MAMDC2: variants seen among roughly 807,000 people sequenced by gnomAD.
The protein encoded by MAMDC2 is MAM domain containing 2.
A neutral mutation model predicts 89.8 loss-of-function variants in MAMDC2; 57 were observed. The observed-to-expected ratio is 0.63, with a 90% CI of 0.51 to 0.79. The LOEUF (loss-of-function observed/expected upper bound fraction) is 0.79, where lower values mean the gene tolerates loss of function less well. MAMDC2 is among the 30% of genes least tolerant of loss of function. MAMDC2 has a pLI of 0.00. For synonymous variants in MAMDC2, 313 were observed against 293.4 expected (o/e 1.07, Z -0.68); for missense variants, 800 against 820.6 (o/e 0.97, Z 0.31).
chr9:70,226,042 T>TAA lies in MAMDC2; in HGVS notation c.*10_*11insAA. On this transcript the variant is annotated 3_prime_UTR_variant, in exon 14 of 14. Coordinates refer to ENST00000377182, the MANE Select transcript of MAMDC2 (RefSeq NM_153267.5). ...TGAAATTGAGTATTAAGAAATGATCTGCATTGGATTTACTAGACGAAAACC... is the reference window on the plus strand; with the variant it reads ...TGAAATTGAGTATTAAGAAATGATCTAAGCATTGGATTTACTAGACGAAAACC... 6.6e-7 allele frequency: 1 copy of TAA among 1,504,850 alleles called. No homozygotes were observed. Among genetic ancestry groups the TAA allele is most frequent in the Non-Finnish European group, 9.1e-7 (1 of 1,102,206 alleles). 93.2% of individuals were successfully genotyped at this position (1,504,850 alleles called of 1,614,324 possible).
At chr9:70,190,199 A>G (rs2032849087) in intron 11 of MAMDC2, among the ~76,000 whole-genome samples, 1 of 152,028 alleles carries the variant, frequency 6.6e-6, no homozygotes, top group South Asian at 2.1e-4. Context: ...TGAATAATAC[A>G]GTTTTACAGA....
chr9:70,107,720 A>T (rs1828379065), intron 2 of MAMDC2, among the ~76,000 whole-genome samples: 1 of 152,234 alleles, frequency 6.6e-6, no homozygotes, highest in African/African-American at 2.4e-5. Flanking sequence ...TTAAATGCAG[A>T]TTGAAACATT....
chr9:70,225,753 A>G lies in MAMDC2; in HGVS notation c.1915A>G (p.Ile639Val). ...EYSCERQHQI[I>V]FEAIRGVSIR... ...TTCAAACATATTATTCTTTCAGATA[A>G]TTTTTGAAGCCATTCGAGGAGTATC... The change falls in exon 13 of 14, where the codon ATT becomes GTT. Residue 639 changes from isoleucine to valine, a missense_variant. Coordinates refer to ENST00000377182, the MANE Select transcript of MAMDC2 (RefSeq NM_153267.5). The G allele has an allele frequency of 6.3e-7, 1 of 1,584,588 alleles. No homozygotes were observed. Among genetic ancestry groups the G allele is most frequent in the South Asian group, 1.1e-5 (1 of 90,360 alleles).
At chr9:70,186,054 T>A (rs763732724) in intron 11 of MAMDC2, among the ~76,000 whole-genome samples, 9 of 151,380 alleles carry the variant, frequency 5.9e-5, no homozygotes, top group Non-Finnish European at 1.2e-4. Context: ...TTTATATTCC[T>A]TTACAAGTTG....
intron 9 of MAMDC2, among the ~76,000 whole-genome samples, chr9:70,164,491 T>C (rs1441864364): frequency 6.6e-6 from 1 of 152,200 alleles, no homozygotes; most frequent in Non-Finnish European, 1.5e-5. Context: ...TTTAAAGTAT[T>C]ATCAGAACCT....
At chr9:70,217,997 C>T (rs1377686130) in intron 11 of MAMDC2, among the ~76,000 whole-genome samples, 1 of 152,180 alleles carries the variant, frequency 6.6e-6, no homozygotes, top group Non-Finnish European at 1.5e-5. Flanking sequence ...CTCTTTCTCT[C>T]CAAACCAACG....
intron 2 of MAMDC2, chr9:70,087,151 T>G (rs1410100066): frequency 1.3e-5 from 2 of 152,196 alleles, no homozygotes; most frequent in African/African-American, 4.8e-5. Context: ...TTTCTTTCCC[T>G]TTCCCTGTTC....
chr9:70,072,776 A>G (rs538235107), intron 2 of MAMDC2, among the ~76,000 whole-genome samples: 2 of 152,330 alleles, frequency 1.3e-5, no homozygotes, highest in East Asian at 1.9e-4. Flanking sequence ...AAAAAAGTAC[A>G]CTAAAAATTA....
At chr9:70,085,142 T>A (rs1160248588) in intron 2 of MAMDC2, among the ~76,000 whole-genome samples, 1 of 152,050 alleles carries the variant, frequency 6.6e-6, no homozygotes, top group East Asian at 1.9e-4. Context: ...CCTAGGATGA[T>A]CTTCTGTTCC....
chr9:70,049,328 C>T (rs934292750), intron 2 of MAMDC2, among the ~76,000 whole-genome samples: 1 of 152,172 alleles, frequency 6.6e-6, no homozygotes, highest in Admixed American at 6.5e-5. Flanking sequence ...AGGACACTCT[C>T]AGCTCCTTGG....
chr9:70,074,154 C>T (rs1326728788), intron 2 of MAMDC2, among the ~76,000 whole-genome samples: 2 of 152,216 alleles, frequency 1.3e-5, no homozygotes, highest in African/African-American at 4.8e-5. Context: ...CATGCTTAGC[C>T]ATTCCTAAGT....
At chr9:70,071,795 G>A (rs1250143469) in intron 2 of MAMDC2, 1 of 152,118 alleles carries the variant, frequency 6.6e-6, no homozygotes, top group Admixed American at 6.6e-5. Context: ...GGGGGCAGAG[G>A]GAGAGCACGT....
intron 11 of MAMDC2, among the ~76,000 whole-genome samples, chr9:70,185,884 T>C (rs1176388341): frequency 6.6e-6 from 1 of 152,156 alleles, no homozygotes; most frequent in Non-Finnish European, 1.5e-5. Context: ...TCCAGGAAAG[T>C]GAACGGTTCT....
Position 70,061,629 on chromosome 9 carries a change from A to T in MAMDC2, c.148+16932A>T, listed in dbSNP as rs189777634. On this transcript the variant is annotated intron_variant, in intron 2 of 13. Coordinates refer to ENST00000377182, the MANE Select transcript of MAMDC2 (RefSeq NM_153267.5). ...TGCAAAATTTAAGATGGTGCCAAAAATCAAATGATCAAGATAAATAATATT... is the reference window on the plus strand; with the variant it reads ...TGCAAAATTTAAGATGGTGCCAAAATTCAAATGATCAAGATAAATAATATT... Among the ~76,000 whole-genome samples, 22 of 152,344 alleles carry T rather than the reference A, an allele frequency of 1.4e-4. No individual in the cohort carries two copies. The East Asian group carries it at 4.2e-3, about 29-fold the overall frequency.
intron 6 of MAMDC2, among the ~76,000 whole-genome samples, chr9:70,128,908 C>G (rs2030678785): frequency 6.6e-6 from 1 of 152,212 alleles, no homozygotes; most frequent in Non-Finnish European, 1.5e-5. Context: ...CCGCCCACCT[C>G]AGGCTCTCAA....
chr9:70,178,976 A>G (rs968071267), intron 11 of MAMDC2, among the ~76,000 whole-genome samples: 4 of 152,194 alleles, frequency 2.6e-5, no homozygotes, highest in Non-Finnish European at 4.4e-5. Context: ...GTCACCCAGG[A>G]TTACCAACAA....
At chr9:70,170,340 A>T in intron 10 of MAMDC2, 139 bp from the exon 11 acceptor site, 1 of 846,584 alleles carries the variant, frequency 1.2e-6, no homozygotes, top group Non-Finnish European at 1.7e-6. Context: ...GGCTCCGTGT[A>T]GGTGGGCCAC....
chr9:70,098,395 T>G (rs1828080319), intron 2 of MAMDC2, among the ~76,000 whole-genome samples: 1 of 152,222 alleles, frequency 6.6e-6, no homozygotes, highest in Non-Finnish European at 1.5e-5. Context: ...TATTCCTTGA[T>G]TCTAAGTTGC....
chr9:70,201,911 A>C (rs1166885192), intron 11 of MAMDC2, among the ~76,000 whole-genome samples: 1 of 140,632 alleles, frequency 7.1e-6, no homozygotes, highest in Non-Finnish European at 1.6e-5. Context: ...CCCCTTTATC[A>C]TTTTTTATTG....
Sources: allele counts gnomAD v4.1 joint callset (sites outside exome capture counted in the v4.1 genomes callset), GRCh38; gene constraint gnomAD v4.1.1; transcripts MANE v1.5; gene names NCBI Gene and HGNC (gene_info 2026-07-23, HGNC 2026-07-21).